WDR77: variants seen among roughly 807,000 people sequenced by gnomAD.
WDR77 encodes the protein methylosome protein WDR77.
A neutral mutation model predicts 44.0 loss-of-function variants in WDR77; 31 were observed. The observed-to-expected ratio is 0.70, with a 90% CI of 0.53 to 0.95. The LOEUF (loss-of-function observed/expected upper bound fraction) is 0.95. Ranked by LOEUF, WDR77 falls within the 40% of genes least tolerant of loss-of-function variation. WDR77 has a pLI of 0.00. For missense variants in WDR77, 390 were observed against 423.9 expected (o/e 0.92, Z 0.70); for synonymous variants, 186 against 165.7 (o/e 1.12, Z -0.94).
At chr1:111,444,266 G>T in intron 4 of WDR77, 142 bp from the exon 5 acceptor site, 1 of 744,240 alleles carries the variant, frequency 1.3e-6, no homozygotes, top group African/African-American at 1.8e-5. Context: ...GGAGATTATG[G>T]ATTAGACAAA....
Position 111,443,848 on chromosome 1 carries a change from C to A in WDR77, c.619+19G>T. On this transcript the variant is annotated intron_variant, in intron 6 of 9. Coordinates refer to ENST00000235090, the MANE Select transcript of WDR77 (RefSeq NM_024102.4). ...AGGGTTCCAAGTACTATTCTCCCAC[C>A]AATGAATCTCAGACTCACCAATCTG... is the stretch of plus-strand genomic sequence containing the variant. 6.2e-7 allele frequency: 1 copy of A among 1,613,994 alleles called. No homozygotes were observed. The highest frequency in any genetic ancestry group is 8.5e-7 in the Non-Finnish European group (1 of 1,179,900).
Position 111,443,336 on chromosome 1 carries a change from T to C in WDR77, c.678A>G (p.Glu226=), listed in dbSNP as rs374959382. Residue 226 remains glutamate (E), a synonymous_variant, in exon 7 of 10, where the codon GAA becomes GAG. Coordinates refer to ENST00000235090, the MANE Select transcript of WDR77 (RefSeq NM_024102.4). ...ACGCTGCCTTACCAAAGACAAAGAC[T>C]TCACTTTGCTGAGGATGCCAAGCCA... is the stretch of plus-strand genomic sequence containing the variant. ...TSLAWHPQQS[E]VFVFGDENGT... is the part of the protein sequence containing the mutation. 8 of 1,551,680 alleles carry C rather than the reference T, an allele frequency of 5.2e-6. No homozygotes were observed. The highest frequency in any genetic ancestry group is 1.4e-5 in the African/African-American group (1 of 73,084).
At chr1:111,446,175 A>G (rs940724126) in intron 4 of WDR77, among the ~76,000 whole-genome samples, 1 of 152,216 alleles carries the variant, frequency 6.6e-6, no homozygotes, top group Non-Finnish European at 1.5e-5. Context: ...TAACTTAGTC[A>G]TGTACTTTGA....
chr1:111,448,186 A>T (rs1185377689), intron 2 of WDR77, among the ~76,000 whole-genome samples: 19 of 137,640 alleles, frequency 1.4e-4, no homozygotes, highest in Admixed American at 1.2e-3. Flanking sequence ...TTCTGATTTT[A>T]AAAAAAAAAA....
chr1:111,440,898 C>T lies in WDR77; in HGVS notation c.*332G>A, dbSNP rs1320423744. 5.8e-6 allele frequency: 1 copy of T among 171,356 alleles called. No homozygotes were observed. Among genetic ancestry groups the T allele is most frequent in the Non-Finnish European group, 1.2e-5 (1 of 81,250 alleles). 10.6% of individuals were successfully genotyped at this position (171,356 alleles called of 1,614,324 possible). ...TTCCTCATAGACAGCTACATAAAACCCTTTCGTCAACTTGTTTTGGGGGGT... is the reference window on the plus strand; with the variant it reads ...TTCCTCATAGACAGCTACATAAAACTCTTTCGTCAACTTGTTTTGGGGGGT... On this transcript the variant is annotated 3_prime_UTR_variant, in exon 10 of 10. Coordinates refer to ENST00000235090, the MANE Select transcript of WDR77 (RefSeq NM_024102.4).
chr1:111,449,233 G>T lies in WDR77; in HGVS notation c.-64C>A. 1 of 1,535,216 alleles carries T rather than the reference G, an allele frequency of 6.5e-7. No homozygotes were observed. The highest frequency in any genetic ancestry group is 8.7e-7 in the Non-Finnish European group (1 of 1,146,306). Reference sequence around the variant, plus strand: ...GCCGGCCGGAGACTCCGCTCCGGCAGCAAACCCCACGTGGTGCACCTCTGA... The same window carrying T: ...GCCGGCCGGAGACTCCGCTCCGGCATCAAACCCCACGTGGTGCACCTCTGA... On this transcript the variant is annotated 5_prime_UTR_variant, in exon 1 of 10. It adds an upstream start codon to the 5' untranslated region. Transcript: ENST00000235090.
At chr1:111,447,643 T>C (rs2298185) in intron 2 of WDR77, 67 bp from the exon 3 acceptor site, 400,028 of 1,570,948 alleles carry the variant, frequency 0.25, 54,032 homozygotes, top group Non-Finnish European at 0.28. Context: ...ACTTCTAGGA[T>C]TCAAAGAGCC....
chr1:111,442,316 C>A (rs1216108666), intron 8 of WDR77, among the ~76,000 whole-genome samples: 1 of 152,212 alleles, frequency 6.6e-6, no homozygotes, highest in East Asian at 1.9e-4. Flanking sequence ...CTAACCACCC[C>A]ATCTGGTCCC....
At chr1:111,443,300 T>A in intron 7 of WDR77, 23 bp downstream of exon 7, 1 of 1,550,004 alleles carries the variant, frequency 6.5e-7, no homozygotes, top group East Asian at 2.4e-5. Context: ...AGAGTCAATA[T>A]GAAGTCTGAC....
rs778789770 is a variant in WDR77, at chr1:111,449,249, G to A, written c.-80C>T. On this transcript the variant is annotated 5_prime_UTR_variant, in exon 1 of 10. Transcript: ENST00000235090. Reference sequence around the variant, plus strand: ...GCTCCGGCAGCAAACCCCACGTGGTGCACCTCTGAGCCTCCGCCCCTCTCC... The same window carrying A: ...GCTCCGGCAGCAAACCCCACGTGGTACACCTCTGAGCCTCCGCCCCTCTCC... The A allele has an allele frequency of 9.8e-6, 15 of 1,536,148 alleles. No homozygotes were observed. In the South Asian group the frequency reaches 1.5e-4, roughly 16 times the overall value.
At chr1:111,447,192 A>C in intron 3 of WDR77, 48 bp from the exon 4 acceptor site, 9 of 1,606,220 alleles carry the variant, frequency 5.6e-6, no homozygotes, top group Non-Finnish European at 6.8e-6. Flanking sequence ...TACACTATCA[A>C]CATAAAAACG....
intron 6 of WDR77, 129 bp from the exon 7 acceptor site, chr1:111,443,523 C>T (rs1571366095): frequency 7.9e-7 from 1 of 1,261,862 alleles, no homozygotes; most frequent in South Asian, 1.5e-5. Context: ...GCAGCAGTGT[C>T]CTCATCCTTG....
intron 9 of WDR77, 140 bp downstream of exon 9, chr1:111,441,885 G>A (rs1652831163): frequency 1.2e-6 from 1 of 833,994 alleles, no homozygotes; most frequent in African/African-American, 1.7e-5. Flanking sequence ...CAGCCAGCCT[G>A]CTTCCATTAC....
At chr1:111,441,959 G>A in intron 9 of WDR77, 66 bp downstream of exon 9, 2 of 1,448,694 alleles carry the variant, frequency 1.4e-6, no homozygotes, top group East Asian at 2.3e-5. Context: ...TTTCTGAAGA[G>A]GAAAATGACT....
At chr1:111,447,007 G>T in intron 4 of WDR77, 88 bp downstream of exon 4, 3 of 1,333,952 alleles carry the variant, frequency 2.2e-6, no homozygotes, top group Non-Finnish European at 3.2e-6. Flanking sequence ...TCAGAACATG[G>T]AATTGCTGCT....
Position 111,448,601 on chromosome 1 carries a change from A to T in WDR77, c.301+18T>A, listed in dbSNP as rs2101749717. On this transcript the variant is annotated intron_variant, in intron 2 of 9. Coordinates refer to ENST00000235090, the MANE Select transcript of WDR77 (RefSeq NM_024102.4). ...GTTCCACCCGGGGGTGGGGGTGGAT[A>T]ATGGGATAGTGACTCACCTGAATCG... is the stretch of plus-strand genomic sequence containing the variant. 6.2e-7 allele frequency: 1 copy of T among 1,614,058 alleles called. No individual in the cohort carries two copies.
rs748217850 is a variant in WDR77 at position 111,448,936 on chromosome 1, T to C, written c.115+119A>G. ...CGGGGCAGGGCTGGGGACAGCTCGG[T>C]GACGCGACCCAGGGTCAGGATAACA... On this transcript the variant is annotated intron_variant, in intron 1 of 9. Transcript: ENST00000235090. The C allele has an allele frequency of 2.6e-6, 4 of 1,537,944 alleles. No homozygotes were observed. The South Asian group carries it at 4.8e-5, about 18-fold the overall frequency.
chr1:111,444,208 AGGAG>A, intron 4 of WDR77, 84 bp from the exon 5 acceptor site: 18 of 1,373,848 alleles, frequency 1.3e-5, no homozygotes, highest in Admixed American at 1.7e-5. Context: ...ATCAAGGGGC[AGGAG>A]GGAGGGAGGG....
At chr1:111,441,667 G>GACCTGAATTGTACTTCCC in intron 9 of WDR77, 1 of 1,099,286 alleles carries the variant, frequency 9.1e-7, no homozygotes, top group Non-Finnish European at 1.2e-6. Context: ...AAGGAGGGAA[G>GACCTGAATTGTACTTCCC]TACAATTCAG....
Sources: allele counts gnomAD v4.1 joint callset (sites outside exome capture counted in the v4.1 genomes callset), GRCh38; gene constraint gnomAD v4.1.1; transcripts MANE v1.5; gene names NCBI Gene and HGNC (gene_info 2026-07-23, HGNC 2026-07-21).